CDCA4: variants seen among roughly 807,000 people sequenced by gnomAD.
CDCA4 encodes cell division cycle associated 4.
For missense variants in CDCA4, 294 were observed against 322.1 expected (o/e 0.91, Z 0.67); for synonymous variants, 130 against 137.0 (o/e 0.95, Z 0.36).
At position 105,010,439 on chromosome 14, in the gene CDCA4, A is replaced by G. The variant is rs1473388943; in HGVS notation, c.*765T>C. 6.6e-6 allele frequency: 1 copy of G among 152,200 alleles called. No homozygotes were observed. The allele number at this position is 152,200 out of a possible 1,614,324, so 9.4% of individuals were successfully genotyped here. Reference sequence around the variant, plus strand: ...AAATATTTGACCTTTGTCTTCAATGACATTTACATATAAATAGACATAAAT... The same window carrying G: ...AAATATTTGACCTTTGTCTTCAATGGCATTTACATATAAATAGACATAAAT... On this transcript the variant is annotated 3_prime_UTR_variant, in exon 2 of 2. Transcript: ENST00000336219.
intron 1 of CDCA4, among the ~76,000 whole-genome samples, chr14:105,015,308 A>C (rs1900616383): frequency 6.6e-6 from 1 of 152,242 alleles, no homozygotes; most frequent in African/African-American, 2.4e-5. Context: ...GGGCAGCACT[A>C]GCAATACGTG....
chr14:105,016,640 G>T (rs1255453658), intron 1 of CDCA4, among the ~76,000 whole-genome samples: 1 of 152,144 alleles, frequency 6.6e-6, no homozygotes, highest in African/African-American at 2.4e-5. Flanking sequence ...TTCCTACCCT[G>T]TTCCACGGCT....
At chr14:105,015,650 C>T (rs1477292867) in intron 1 of CDCA4, among the ~76,000 whole-genome samples, 1 of 152,200 alleles carries the variant, frequency 6.6e-6, no homozygotes, top group Non-Finnish European at 1.5e-5. Flanking sequence ...GAAAGCCAAA[C>T]ATGTTCTAGG....
At chr14:105,018,321 T>C (rs1304088752) in intron 1 of CDCA4, among the ~76,000 whole-genome samples, 1 of 152,106 alleles carries the variant, frequency 6.6e-6, no homozygotes, top group Non-Finnish European at 1.5e-5. Flanking sequence ...AAATCATTCC[T>C]CTCCAATGTT....
intron 1 of CDCA4, 69 bp from the exon 2 acceptor site, chr14:105,012,004 C>G: frequency 1.3e-6 from 2 of 1,519,658 alleles, no homozygotes; most frequent in South Asian, 2.5e-5. Context: ...CCTTGGATTT[C>G]GTCTGACTGC....
At chr14:105,013,988 T>G (rs1269093695) in intron 1 of CDCA4, among the ~76,000 whole-genome samples, 2 of 152,140 alleles carry the variant, frequency 1.3e-5, no homozygotes, top group Admixed American at 6.5e-5. Flanking sequence ...CAAATCCTAC[T>G]CTGCAATAGA....
At chr14:105,013,731 G>C (rs1449005208) in intron 1 of CDCA4, among the ~76,000 whole-genome samples, 1 of 152,072 alleles carries the variant, frequency 6.6e-6, no homozygotes, top group Non-Finnish European at 1.5e-5. Context: ...AGAAGAAAGG[G>C]TCCCCCTGTT....
In CDCA4 at chr14:105,018,134, T is replaced by C. The variant is rs139501950; in HGVS notation, c.-7+2865A>G. On this transcript the variant is annotated intron_variant, in intron 1 of 1. Transcript: ENST00000336219. ...GGCCAGAAAGAATCCTCCAGGATGA[T>C]GGAGATTCTCTCTCGCCCCTTGTAG... Among the ~76,000 whole-genome samples the C allele has an allele frequency of 9.3e-5, 14 of 151,192 alleles. No individual in the cohort carries two copies. In the East Asian group the frequency reaches 2.8e-3, roughly 30 times the overall value.
chr14:105,013,793 T>A (rs6576069), intron 1 of CDCA4, among the ~76,000 whole-genome samples: 7 of 152,010 alleles, frequency 4.6e-5, no homozygotes, highest in Non-Finnish European at 1.5e-5. Flanking sequence ...CTTTAACACA[T>A]GTAAATTTTA....
chr14:105,019,418 T>C (rs1206725900), intron 1 of CDCA4, among the ~76,000 whole-genome samples: 2 of 152,230 alleles, frequency 1.3e-5, no homozygotes, highest in Non-Finnish European at 2.9e-5. Context: ...AAAACGCAGA[T>C]TCCCAGATTC....
In CDCA4 at chr14:105,011,021, G is replaced by T. The variant is rs142710447; in HGVS notation, c.*183C>A. 125 of 697,322 alleles carry T rather than the reference G, an allele frequency of 1.8e-4. No individual in the cohort carries two copies. The highest frequency in any genetic ancestry group is 4.7e-4 in the East Asian group (17 of 36,226). The allele number at this position is 697,322 out of a possible 1,614,324, so 43.2% of individuals were successfully genotyped here. On this transcript the variant is annotated 3_prime_UTR_variant, in exon 2 of 2. Transcript: ENST00000336219. The stretch of plus-strand genomic sequence containing the variant: ...ACAGCCTCTGCCTGGCGCTCCACAG[G>T]GGGGAGGTGAGTGGGACGGGCCTAG...
intron 1 of CDCA4, among the ~76,000 whole-genome samples, chr14:105,015,611 T>C (rs1361556876): frequency 6.6e-6 from 1 of 152,192 alleles, no homozygotes; most frequent in Non-Finnish European, 1.5e-5. Flanking sequence ...CCAGTTTTTG[T>C]CCCTGCTTCC....
At chr14:105,011,992 C>T in intron 1 of CDCA4, 57 bp from the exon 2 acceptor site, 1 of 1,536,514 alleles carries the variant, frequency 6.5e-7, no homozygotes, top group South Asian at 1.2e-5. Flanking sequence ...GCGGACAGCG[C>T]CCCTTGGATT....
At chr14:105,020,601 C>T (rs1886206092) in intron 1 of CDCA4, among the ~76,000 whole-genome samples, 1 of 152,212 alleles carries the variant, frequency 6.6e-6, no homozygotes, top group African/African-American at 2.4e-5. Flanking sequence ...GAGGGGGCTG[C>T]GGCGCGCCTG....
At chr14:105,012,071 T>C (rs111738285) in intron 1 of CDCA4, 136 bp from the exon 2 acceptor site, 16 of 1,001,448 alleles carry the variant, frequency 1.6e-5, no homozygotes, top group African/African-American at 1.5e-4. Flanking sequence ...GACAGAGCTG[T>C]AACTCCCTAA....
rs564530161 is a variant in CDCA4 at position 105,018,108 on chromosome 14, G to A, written c.-7+2891C>T. On this transcript the variant is annotated intron_variant, in intron 1 of 1. Transcript: ENST00000336219. ...CCATCAGGGTGGGAAATGCTACAAG[G>A]GGCCAGAAAGAATCCTCCAGGATGA... Among the ~76,000 whole-genome samples the A allele has an allele frequency of 2.0e-5, 3 of 151,700 alleles. No individual in the cohort carries two copies. The South Asian group carries it at 6.3e-4, about 32-fold the overall frequency.
At chr14:105,020,240 TAAGTTTTGTGAACA>T in intron 1 of CDCA4, among the ~76,000 whole-genome samples, 1 of 152,182 alleles carries the variant, frequency 6.6e-6, no homozygotes, top group Admixed American at 6.5e-5. Flanking sequence ...TGATAAAACG[TAAGTTTTGTGAACA>T]GGCAATGTTT....
At chr14:105,013,789 C>G (rs1900568968) in intron 1 of CDCA4, among the ~76,000 whole-genome samples, 1 of 152,190 alleles carries the variant, frequency 6.6e-6, no homozygotes, top group African/African-American at 2.4e-5. Flanking sequence ...GTGCCTTTAA[C>G]ACATGTAAAT....
At chr14:105,013,900 G>A (rs4577017) in intron 1 of CDCA4, among the ~76,000 whole-genome samples, 82,908 of 151,434 alleles carry the variant, frequency 0.55, 25,185 homozygotes, top group Middle Eastern at 0.72. Context: ...TTTATTTGTA[G>A]TAGCTCCAAA....
Sources: allele counts gnomAD v4.1 joint callset (sites outside exome capture counted in the v4.1 genomes callset), GRCh38; gene constraint gnomAD v4.1.1; transcripts MANE v1.5; gene names NCBI Gene and HGNC (gene_info 2026-07-23, HGNC 2026-07-21).